TMEM132B: variants seen among roughly 807,000 people sequenced by gnomAD.
The protein encoded by TMEM132B is transmembrane protein 132B.
A neutral mutation model predicts 90.8 loss-of-function variants in TMEM132B; 18 were observed. The ratio of observed to expected loss-of-function variants is 0.20; its 90% CI spans 0.14 to 0.29. The LOEUF is 0.29. Among genes scored for constraint, TMEM132B ranks in the 10% least tolerant of loss-of-function variants. The pLI, the probability that TMEM132B is intolerant of heterozygous loss-of-function variation, is 1.00. For missense variants in TMEM132B, 1,096 were observed against 1,326.8 expected, an observed-to-expected ratio of 0.83 and a Z score of 2.70; for synonymous variants, 504 against 523.3, an observed-to-expected ratio of 0.96 and a Z score of 0.50.
intron 1 of TMEM132B, among the ~76,000 whole-genome samples, chr12:125,219,181 G>A (rs951125295): frequency 6.6e-6 from 1 of 152,136 alleles, no homozygotes; most frequent in African/African-American, 2.4e-5. Flanking sequence ...CCATGATGGC[G>A]AGGTTTCTGG....
intron 1 of TMEM132B, among the ~76,000 whole-genome samples, chr12:125,341,324 ATTAAAAG>A (rs1877172916): frequency 6.6e-6 from 1 of 152,216 alleles, no homozygotes; most frequent in Admixed American, 6.5e-5. Context: ...GATTATCAGA[ATTAAAAG>A]TTAATACATA....
intron 1 of TMEM132B, among the ~76,000 whole-genome samples, chr12:125,194,272 G>C (rs973916962): frequency 1.6e-4 from 23 of 143,168 alleles, no homozygotes; most frequent in Non-Finnish European, 3.2e-4. Context: ...ACCCGTTGGT[G>C]GGGGGGTCTT....
intron 3 of TMEM132B, among the ~76,000 whole-genome samples, chr12:125,496,386 T>C (rs547421048): frequency 4.6e-5 from 7 of 152,262 alleles, no homozygotes; most frequent in Admixed American, 1.3e-4. Context: ...AGTTGAAATA[T>C]GGTTAAATGC....
Position 125,661,840 on chromosome 12 carries a change from C to T in TMEM132B, c.*7130C>T, listed in dbSNP as rs994545899. 1 of 152,218 alleles carries T rather than the reference C, an allele frequency of 6.6e-6. No homozygotes were observed. The highest frequency in any genetic ancestry group is 1.5e-5 in the Non-Finnish European group (1 of 68,040). The allele number at this position is 152,218 out of a possible 1,614,324, so 9.4% of individuals were successfully genotyped here. On this transcript the variant is annotated 3_prime_UTR_variant, in exon 9 of 9. Coordinates refer to ENST00000682704, the MANE Select transcript of TMEM132B (RefSeq NM_001366854.1). Reference sequence around the variant, plus strand: ...CACATAGCGTGTATCATGCAACAGACCCGTGCTCTTAGAGGGAGGTAGTGT... The same window carrying T: ...CACATAGCGTGTATCATGCAACAGATCCGTGCTCTTAGAGGGAGGTAGTGT...
chr12:125,640,622 C>G (rs1406404816), intron 5 of TMEM132B, among the ~76,000 whole-genome samples: 3 of 152,058 alleles, frequency 2.0e-5, no homozygotes, highest in African/African-American at 7.2e-5. Flanking sequence ...CTGGAGAGGA[C>G]AGAGGTGATC....
intron 1 of TMEM132B, chr12:125,326,705 C>T (rs1370651895): frequency 3.1e-6 from 5 of 1,597,738 alleles, no homozygotes; most frequent in Non-Finnish European, 4.3e-6. Flanking sequence ...CCTGGTGCAA[C>T]CAGGACAGGG....
intron 3 of TMEM132B, among the ~76,000 whole-genome samples, 193 bp from the exon 4 acceptor site, chr12:125,519,246 G>A (rs550684468): frequency 2.8e-4 from 42 of 152,334 alleles, no homozygotes; most frequent in African/African-American, 1.0e-3. Flanking sequence ...GAGACGGATC[G>A]TCAGCCTATT....
intron 1 of TMEM132B, among the ~76,000 whole-genome samples, chr12:125,332,298 A>G (rs192748717): frequency 3.3e-5 from 5 of 152,284 alleles, no homozygotes; most frequent in East Asian, 3.9e-4. Flanking sequence ...TATTTTATGT[A>G]TTGGATGCTA....
chr12:125,519,967 C>T (rs1273852075), intron 4 of TMEM132B, among the ~76,000 whole-genome samples: 1 of 152,190 alleles, frequency 6.6e-6, no homozygotes, highest in African/African-American at 2.4e-5. Context: ...AACAGTGGCT[C>T]TATATGCCAA....
chr12:125,303,265 G>T (rs566025231), intron 1 of TMEM132B, among the ~76,000 whole-genome samples: 1 of 152,124 alleles, frequency 6.6e-6, no homozygotes, highest in Non-Finnish European at 1.5e-5. Flanking sequence ...TTTAGTGTCC[G>T]GCTTCCTATA....
chr12:125,355,031 T>G (rs1006901028), intron 2 of TMEM132B, among the ~76,000 whole-genome samples: 1 of 151,942 alleles, frequency 6.6e-6, no homozygotes, highest in African/African-American at 2.4e-5. Context: ...GGCCTGCATG[T>G]GTGAGTTGAG....
chr12:125,622,526 T>G (rs1886134763), intron 5 of TMEM132B: 3 of 968,146 alleles, frequency 3.1e-6, no homozygotes, highest in Middle Eastern at 5.3e-4. Flanking sequence ...TCCTGCAGAC[T>G]GCGTGGAGGC....
At chr12:125,369,237 T>C (rs561901833) in intron 2 of TMEM132B, among the ~76,000 whole-genome samples, 1 of 152,354 alleles carries the variant, frequency 6.6e-6, no homozygotes, top group South Asian at 2.1e-4. Context: ...TTCCATGGTG[T>C]ACATGTGCCA....
intron 5 of TMEM132B, among the ~76,000 whole-genome samples, chr12:125,641,047 G>T (rs1886618160): frequency 6.6e-6 from 1 of 152,058 alleles, no homozygotes; most frequent in African/African-American, 2.4e-5. Flanking sequence ...ACTAACAGGT[G>T]CCAGAGTAGG....
intron 4 of TMEM132B, among the ~76,000 whole-genome samples, chr12:125,537,094 T>G (rs557561155): frequency 6.6e-6 from 1 of 152,270 alleles, no homozygotes; most frequent in East Asian, 1.9e-4. Flanking sequence ...GAGGGATTGA[T>G]CCCAGGACAC....
intron 3 of TMEM132B, among the ~76,000 whole-genome samples, chr12:125,434,792 A>G (rs1814499): frequency 0.2 from 30,482 of 152,068 alleles, 3,729 homozygotes; most frequent in African/African-American, 0.35. Context: ...TGGGTAACCA[A>G]TTCCCTGCAC....
At chr12:125,324,410 T>C (rs1332517490) in intron 1 of TMEM132B, among the ~76,000 whole-genome samples, 1 of 152,238 alleles carries the variant, frequency 6.6e-6, no homozygotes, top group African/African-American at 2.4e-5. Context: ...GGATAAGTTC[T>C]GAGAAGAAGA....
chr12:125,438,675 C>T (rs200270044), intron 3 of TMEM132B, among the ~76,000 whole-genome samples: 1 of 33,952 alleles, frequency 2.9e-5, no homozygotes. Context: ...CCTCCTTCTT[C>T]CTTCCTTCCT....
At chr12:125,391,577 G>A (rs890011729) in intron 2 of TMEM132B, among the ~76,000 whole-genome samples, 7 of 152,100 alleles carry the variant, frequency 4.6e-5, no homozygotes, top group African/African-American at 7.2e-5. Context: ...GACCTGCAGG[G>A]GCCATGGGAG....
Sources: allele counts gnomAD v4.1 joint callset (sites outside exome capture counted in the v4.1 genomes callset), GRCh38; gene constraint gnomAD v4.1.1; transcripts MANE v1.5; gene names NCBI Gene and HGNC (gene_info 2026-07-23, HGNC 2026-07-21).